The following TPM1 variants were observed in gnomAD, a reference collection of about 807,000 sequenced individuals.
The protein encoded by TPM1 is tropomyosin alpha-1 chain.
TPM1 carries 24 observed loss-of-function variants against 42.9 expected under a neutral mutation model. The ratio of observed to expected loss-of-function variants is 0.56; its 90% CI spans 0.41 to 0.79. The LOEUF is 0.79. Ranked by LOEUF, TPM1 falls within the 30% of genes least tolerant of loss-of-function variation. TPM1 has a pLI of 0.00. For missense variants in TPM1, 158 were observed against 351.8 expected (o/e 0.45, Z 4.41); for synonymous variants, 136 against 130.1 (o/e 1.05, Z -0.31).
At chr15:63,061,452 G>A (rs1289578235) in intron 5 of TPM1, 1 of 767,700 alleles carries the variant, frequency 1.3e-6, no homozygotes, top group African/African-American at 1.7e-5. Context: ...CTTCATAAAT[G>A]CTCTTTGGGC....
intron 1 of TPM1, chr15:63,043,720 C>G (rs771867998): frequency 5.2e-6 from 8 of 1,547,536 alleles, no homozygotes; most frequent in Non-Finnish European, 7.0e-6. Flanking sequence ...AGGAGGACAT[C>G]GCGGCCAAGG....
intron 2 of TPM1, 68 bp downstream of exon 2, chr15:63,044,220 C>T: frequency 1.2e-6 from 2 of 1,612,268 alleles, no homozygotes; most frequent in South Asian, 2.2e-5. Flanking sequence ...CACCACAGGG[C>T]TGGAGAGCAA....
intron 4 of TPM1, 137 bp downstream of exon 4, chr15:63,059,817 T>G (rs559673674): frequency 8.1e-6 from 5 of 620,582 alleles, no homozygotes; most frequent in African/African-American, 5.5e-5. Context: ...GAAGCAGAGT[T>G]CCTTTGTGTC....
At chr15:63,069,124 C>T (rs1354460718), downstream of TPM1, among the ~76,000 whole-genome samples, 3 of 152,068 alleles carry the variant, frequency 2.0e-5, no homozygotes, top group Admixed American at 6.5e-5. Flanking sequence ...CTGCACTCCA[C>T]GCTGGGGGAC....
chr15:63,071,550 G>A, exon 9 of TPM1: 2 of 326,688 alleles, frequency 6.1e-6, no homozygotes, highest in South Asian at 5.3e-5. Context: ...TGAACAAAAG[G>A]TCCCCCTGTG....
At position 63,062,823 on chromosome 15, in the gene TPM1, G is replaced by A. The variant is rs144670024; in HGVS notation, c.772+178G>A. 1.3e-4 allele frequency: 193 copies of A among 1,535,288 alleles called. No homozygotes were observed. In the African/African-American group the frequency reaches 2.4e-3, roughly 19 times the overall value. On this transcript the variant is annotated intron_variant, in intron 8 of 9. Coordinates refer to ENST00000403994, the MANE Select transcript of TPM1 (RefSeq NM_001018005.2). ...TTGAACTCATGAACCTAAGTCTTCT[G>A]CTCACGAGGTGACTAGTTAGCCACC...
intron 2 of TPM1, chr15:63,047,940 G>A: frequency 4.5e-6 from 1 of 222,930 alleles, no homozygotes; most frequent in Non-Finnish European, 9.1e-6. Flanking sequence ...TTTAGAACAG[G>A]AGGTCTAACC....
In TPM1 at chr15:63,042,880, C is replaced by A. The variant is rs878854150; in HGVS notation, c.51C>A (p.Asn17Lys). The A allele has an allele frequency of 1.2e-6, 2 of 1,613,202 alleles. No homozygotes were observed. Among genetic ancestry groups the A allele is most frequent in the Non-Finnish European group, 1.7e-6 (2 of 1,179,486 alleles). The stretch of plus-strand genomic sequence containing the variant: ...AGATGCTGAAGCTCGACAAGGAGAA[C>A]GCCTTGGATCGAGCTGAGCAGGCGG... ...KMQMLKLDKE[N>K]ALDRAEQAEA... The change falls in exon 1 of 10, where the codon AAC (asparagine) becomes AAA (lysine). Residue 17 changes from asparagine to lysine, a missense_variant. Coordinates refer to ENST00000403994, the MANE Select transcript of TPM1 (RefSeq NM_001018005.2).
At chr15:63,051,685 A>G (rs1182984059) in intron 2 of TPM1, among the ~76,000 whole-genome samples, 1 of 152,168 alleles carries the variant, frequency 6.6e-6, no homozygotes. Context: ...TGATCATCCC[A>G]AGTTCCACTC....
At chr15:63,049,904 C>G (rs2033473683) in intron 2 of TPM1, among the ~76,000 whole-genome samples, 1 of 152,202 alleles carries the variant, frequency 6.6e-6, no homozygotes, top group Non-Finnish European at 1.5e-5. Flanking sequence ...CTCCCTTACT[C>G]GCTAGTAGCT....
intron 2 of TPM1, among the ~76,000 whole-genome samples, chr15:63,055,394 T>C (rs577000039): frequency 6.6e-6 from 1 of 152,326 alleles, no homozygotes; most frequent in East Asian, 1.9e-4. Context: ...ATCTTACAAA[T>C]CTAGGTGAGC....
chr15:63,056,950 C>T (rs1480590777), intron 2 of TPM1, 35 bp from the exon 3 acceptor site: 1 of 1,613,900 alleles, frequency 6.2e-7, no homozygotes, highest in Middle Eastern at 1.6e-4. Flanking sequence ...CTCACTTTCT[C>T]CCCAACTCTG....
chr15:63,060,452 A>G (rs7162932), intron 4 of TPM1, among the ~76,000 whole-genome samples: 1 of 152,132 alleles, frequency 6.6e-6, no homozygotes, highest in Non-Finnish European at 1.5e-5. Context: ...TGCAGTAAGG[A>G]GGTAGATGCA....
intron 9 of TPM1, chr15:63,064,431 A>T (rs1208990843): frequency 8.2e-7 from 1 of 1,218,884 alleles, no homozygotes; most frequent in Non-Finnish European, 1.0e-6. Flanking sequence ...CTTTTGGGAA[A>T]TTAAGCTAAA....
At chr15:63,048,269 C>A (rs538755572) in intron 2 of TPM1, 8 of 567,984 alleles carry the variant, frequency 1.4e-5, no homozygotes, top group Admixed American at 4.7e-5. Context: ...CACCAGGTAC[C>A]CCCGCAGCGC....
chr15:63,051,349 G>T (rs2033816200), intron 2 of TPM1, among the ~76,000 whole-genome samples: 1 of 139,162 alleles, frequency 7.2e-6, no homozygotes, highest in South Asian at 2.1e-4. Context: ...TCCCAGAGTG[G>T]CTGTTAACTG....
chr15:63,055,635 G>T (rs1271435706), intron 2 of TPM1: 2 of 152,206 alleles, frequency 1.3e-5, no homozygotes, highest in Non-Finnish European at 2.9e-5. Flanking sequence ...TGTGTGTAGA[G>T]AAATTTGTTA....
chr15:63,044,331 A>G, intron 2 of TPM1, 179 bp downstream of exon 2: 1 of 868,048 alleles, frequency 1.2e-6, no homozygotes, highest in Non-Finnish European at 1.8e-6. Flanking sequence ...ACATTCATTT[A>G]TATTTCATCC....
chr15:63,052,002 C>T (rs1199128994), intron 2 of TPM1, among the ~76,000 whole-genome samples: 1 of 150,328 alleles, frequency 6.7e-6, no homozygotes, highest in Non-Finnish European at 1.5e-5. Context: ...GAATGGGGTG[C>T]ATGCCCTTAG....
Sources: allele counts gnomAD v4.1 joint callset (sites outside exome capture counted in the v4.1 genomes callset), GRCh38; gene constraint gnomAD v4.1.1; transcripts MANE v1.5; gene names NCBI Gene and HGNC (gene_info 2026-07-23, HGNC 2026-07-21).